The following GOLGA8A variants were observed in gnomAD, a reference collection of about 807,000 sequenced individuals.
GOLGA8A encodes golgin subfamily A member 8A.
In GOLGA8A, 3 loss-of-function variants were observed where a neutral mutation model predicts 22.1. The ratio of observed to expected loss-of-function variants is 0.14; its 90% CI spans 0.06 to 0.35. The LOEUF (loss-of-function observed/expected upper bound fraction) is 0.35, where lower values mean the gene tolerates loss of function less well. Among genes scored for constraint, GOLGA8A ranks in the 10% least tolerant of loss-of-function variants. The pLI, the probability that GOLGA8A is intolerant of heterozygous loss-of-function variation, is 1.00. For synonymous variants in GOLGA8A, 7 were observed against 91.7 expected (o/e 0.08, Z 5.28); for missense variants, 16 against 233.2 (o/e 0.07, Z 6.07).
At chr15:34,399,121 G>A (rs1891976489) in intron 7 of GOLGA8A, 34 bp downstream of exon 7, 1 of 144,098 alleles carries the variant, frequency 6.9e-6, no homozygotes, top group African/African-American at 2.5e-5. Context: ...ACTCTATTGA[G>A]GGTGAAAATT....
intron 2 of GOLGA8A, among the ~76,000 whole-genome samples, chr15:34,432,365 C>T (rs1893294979): frequency 6.7e-6 from 1 of 148,512 alleles, no homozygotes; most frequent in African/African-American, 2.5e-5. Flanking sequence ...CAAAATGGGC[C>T]CCAGCAGGAG....
rs751691469 is a variant in GOLGA8A, at chr15:34,421,334, C to A, written c.-1122-13599G>T. On this transcript the variant is annotated intron_variant, in intron 2 of 24. Coordinates refer to ENST00000359187, the MANE Select transcript of GOLGA8A (RefSeq NM_181077.5). The stretch of plus-strand genomic sequence containing the variant: ...CAAAAGTTGTCACAGTCCACTCACT[C>A]GAAATAAAACCCATCCCATTAGGAA... Among the ~76,000 whole-genome samples, 4 of 142,868 alleles carry A rather than the reference C, an allele frequency of 2.8e-5. 1 individual carries two copies. The highest frequency in any genetic ancestry group is 1.0e-4 in the African/African-American group (4 of 38,996). 93.7% of individuals were successfully genotyped at this position (142,868 alleles called of 152,430 possible).
Position 34,379,855 on chromosome 15 carries a change from G to A in GOLGA8A, c.*1556C>T, listed in dbSNP as rs1237231886. 1 of 152,636 alleles carries A rather than the reference G, an allele frequency of 6.6e-6. No individual in the cohort carries two copies. The highest frequency in any genetic ancestry group is 2.4e-5 in the African/African-American group (1 of 41,446). The allele number at this position is 152,636 out of a possible 1,614,324, so 9.5% of individuals were successfully genotyped here. On this transcript the variant is annotated 3_prime_UTR_variant, in exon 25 of 25. Coordinates refer to ENST00000359187, the MANE Select transcript of GOLGA8A (RefSeq NM_181077.5). ...GAAATGCATTCATTCATCATGCATA[G>A]GCACAATCACAGAAATATTGCACAA...
At chr15:34,411,412 G>C (rs1892423900) in intron 2 of GOLGA8A, among the ~76,000 whole-genome samples, 1 of 46,662 alleles carries the variant, frequency 2.1e-5, no homozygotes, top group African/African-American at 7.0e-5. Context: ...TTTCTGAGAA[G>C]AATTCATGAA....
Position 34,379,933 on chromosome 15 carries a change from A to G in GOLGA8A, c.*1478T>C, listed in dbSNP as rs1208640575. The G allele has an allele frequency of 6.5e-6, 1 of 152,696 alleles. No homozygotes were observed. The highest frequency in any genetic ancestry group is 1.5e-5 in the Non-Finnish European group (1 of 68,056). The allele number at this position is 152,696 out of a possible 1,614,324, so 9.5% of individuals were successfully genotyped here. ...TACAAAAACGTATTTCACTCTTCGT[A>G]AAGAAGTTTGTGAGGAAATACAACT... is the stretch of plus-strand genomic sequence containing the variant. On this transcript the variant is annotated 3_prime_UTR_variant, in exon 25 of 25. Transcript: ENST00000359187.
At chr15:34,432,015 G>C (rs1893278929) in intron 2 of GOLGA8A, among the ~76,000 whole-genome samples, 1 of 149,062 alleles carries the variant, frequency 6.7e-6, no homozygotes, top group Non-Finnish European at 1.5e-5. Flanking sequence ...TTACTAATAA[G>C]AGTTTCCTCA....
chr15:34,405,750 C>T (rs1245809761), intron 4 of GOLGA8A, among the ~76,000 whole-genome samples: 1 of 139,898 alleles, frequency 7.1e-6, no homozygotes, highest in Non-Finnish European at 1.6e-5. Context: ...CCTCTGTTCA[C>T]TTGCATCAGA....
At chr15:34,436,224 C>T (rs1360540557) in intron 1 of GOLGA8A, among the ~76,000 whole-genome samples, 2 of 149,442 alleles carry the variant, frequency 1.3e-5, no homozygotes, top group Non-Finnish European at 3.0e-5. Flanking sequence ...AAAACTTGTC[C>T]CACTTCAACC....
Position 34,420,190 on chromosome 15 carries a change from C to T in GOLGA8A, c.-1122-12455G>A, listed in dbSNP as rs1406040609. On this transcript the variant is annotated intron_variant, in intron 2 of 24. Coordinates refer to ENST00000359187, the MANE Select transcript of GOLGA8A (RefSeq NM_181077.5). ...CAGATGCCAGGAGAGCGGTGTCAGG[C>T]ATCTCACCAGCCGATTCTCCCAGAA... 18 of 146,726 alleles carry T rather than the reference C, an allele frequency of 1.2e-4. 3 individuals are homozygous for T. The highest frequency in any genetic ancestry group is 9.8e-4 in the Admixed American group (14 of 14,328). 9.1% of individuals were successfully genotyped at this position (146,726 alleles called of 1,614,324 possible). A position where few individuals can be genotyped will look rare whatever the true frequency, so the allele number is the denominator to read the frequency against.
At position 34,380,796 on chromosome 15, in the gene GOLGA8A, C is replaced by T. The variant is rs1262350735; in HGVS notation, c.*615G>A. ...TTCTGTGAGATTTAGAAAGCTCCCC[C>T]AAAAGGTTATCACTCCCATCACCAA... On this transcript the variant is annotated 3_prime_UTR_variant, in exon 25 of 25. Coordinates refer to ENST00000359187, the MANE Select transcript of GOLGA8A (RefSeq NM_181077.5). 2.7e-5 allele frequency: 5 copies of T among 183,578 alleles called. No individual in the cohort carries two copies. The East Asian group carries it at 7.8e-4, about 29-fold the overall frequency. The allele number at this position is 183,578 out of a possible 1,614,324, so 11.4% of individuals were successfully genotyped here.
intron 2 of GOLGA8A, among the ~76,000 whole-genome samples, chr15:34,432,160 A>G (rs1893284662): frequency 6.7e-6 from 1 of 149,216 alleles, no homozygotes; most frequent in African/African-American, 2.5e-5. Flanking sequence ...CAACCACGTC[A>G]GCCACCTTCC....
chr15:34,380,435 G>A lies in GOLGA8A; in HGVS notation c.*976C>T, dbSNP rs1341875979. On this transcript the variant is annotated 3_prime_UTR_variant, in exon 25 of 25. Transcript: ENST00000359187. The stretch of plus-strand genomic sequence containing the variant: ...AATACATTAAGAAGAATGCCAACCA[G>A]CGCCCTTTCGTGTACTGGGACAGGT... 2 of 152,206 alleles carry A rather than the reference G, an allele frequency of 1.3e-5. No individual in the cohort carries two copies. The highest frequency in any genetic ancestry group is 2.1e-4 in the South Asian group (1 of 4,832). The allele number at this position is 152,206 out of a possible 1,614,324, so 9.4% of individuals were successfully genotyped here.
intron 2 of GOLGA8A, chr15:34,420,265 C>T (rs1192674811): frequency 6.9e-6 from 1 of 144,820 alleles, no homozygotes; most frequent in Non-Finnish European, 1.5e-5. Flanking sequence ...AAAGAGAAGC[C>T]TCAGTGTAAA....
chr15:34,421,256 C>G (rs1398648656), intron 2 of GOLGA8A, among the ~76,000 whole-genome samples: 2 of 143,322 alleles, frequency 1.4e-5, no homozygotes, highest in African/African-American at 5.1e-5. Context: ...TACTAATTTT[C>G]CATTAAACGA....
chr15:34,432,524 C>A (rs571937163), intron 2 of GOLGA8A, among the ~76,000 whole-genome samples: 1 of 149,084 alleles, frequency 6.7e-6, no homozygotes, highest in South Asian at 2.2e-4. Flanking sequence ...GACCTGCCTT[C>A]TAGATTTGTC....
intron 2 of GOLGA8A, among the ~76,000 whole-genome samples, chr15:34,434,683 A>G (rs1017283291): frequency 6.7e-6 from 1 of 149,094 alleles, no homozygotes; most frequent in African/African-American, 2.5e-5. Flanking sequence ...CCAAGGGAAC[A>G]ATGAGCACCC....
chr15:34,433,765 G>C (rs1201992089), intron 2 of GOLGA8A, among the ~76,000 whole-genome samples: 2 of 149,660 alleles, frequency 1.3e-5, no homozygotes, highest in Non-Finnish European at 3.0e-5. Flanking sequence ...ATCCAGAGGT[G>C]AACAAAGTCT....
Position 34,427,920 on chromosome 15 carries a change from A to G in GOLGA8A, c.-1123+7463T>C, listed in dbSNP as rs111532172. On this transcript the variant is annotated intron_variant, in intron 2 of 24. Transcript: ENST00000359187. ...TCACCATCCCCACTCCCACTGCCCG[A>G]TGTGTCATGGGAAGTCTCTGAAATT... 1.0e-3 allele frequency among the ~76,000 whole-genome samples: 146 copies of G among 146,142 alleles called. 7 individuals carry two copies. The South Asian group carries it at 0.017, about 17-fold the overall frequency.
At position 34,381,559 on chromosome 15, in the gene GOLGA8A, C is replaced by G. The variant is rs780034950; in HGVS notation, c.1664G>C (p.Arg555Thr). 3.7e-6 allele frequency: 6 copies of G among 1,611,150 alleles called. No individual in the cohort carries two copies. The East Asian group carries it at 8.9e-5, about 24-fold the overall frequency. Residue 555 changes from arginine (R) to threonine (T), a missense_variant, in exon 25 of 25, where the codon AGG becomes ACG. Arg to Thr is a moderately conservative substitution (Grantham distance 71). Coordinates refer to ENST00000359187, the MANE Select transcript of GOLGA8A (RefSeq NM_181077.5). ...AGGGTTGTCCTGGGAAGAACCCTCC[C>G]TGGCTTCTCCTTGTGCAGGCTCCAC... is the stretch of plus-strand genomic sequence containing the variant. ...NSVEPAQGEA[R>T]EGSSQDNPTA...
Sources: gnomAD v4.1 joint callset for allele counts (sites outside exome capture counted in the v4.1 genomes callset) on GRCh38, gnomAD v4.1.1 for gene constraint, MANE v1.5 for transcripts, NCBI Gene and HGNC (gene_info 2026-07-23, HGNC 2026-07-21) for gene names.